Variants in MPHOSPH8 observed in about 807,000 individuals in gnomAD.
The protein encoded by MPHOSPH8 is M-phase phosphoprotein, mpp.
Under a neutral mutation model 87.3 loss-of-function variants are expected in MPHOSPH8, and 45 were observed. That is an observed-to-expected ratio of 0.52 (90% CI 0.41 to 0.66). The LOEUF is 0.66. MPHOSPH8 is among the 30% of genes least tolerant of loss of function. The pLI, the probability that MPHOSPH8 is intolerant of heterozygous loss-of-function variation, is 0.00. For missense variants in MPHOSPH8, 883 were observed against 1,020.2 expected (o/e 0.87, Z 1.83); for synonymous variants, 366 against 376.9 (o/e 0.97, Z 0.33).
intron 2 of MPHOSPH8, among the ~76,000 whole-genome samples, chr13:19,645,273 T>C (rs1251529786): frequency 6.6e-6 from 1 of 152,204 alleles, no homozygotes; most frequent in African/African-American, 2.4e-5. Flanking sequence ...ACCACTGTTT[T>C]AGTTTTGGTA....
In MPHOSPH8 at chr13:19,661,835, G is replaced by A. The variant is rs185492305; in HGVS notation, c.1929G>A (p.Glu643=). 286 of 1,606,924 alleles carry A rather than the reference G, an allele frequency of 1.8e-4. 1 individual carries two copies. Among genetic ancestry groups the A allele is most frequent in the Non-Finnish European group, 2.3e-4 (276 of 1,176,084 alleles). Residue 643 remains glutamate (E), a synonymous_variant, in exon 8 of 14, where the codon GAG becomes GAA. Transcript: ENST00000361479. ...NGTTALIHAA[E]KNFLTTVAIL... is the part of the protein sequence containing the mutation. ...CCACCGCCCTCATTCATGCTGCAGA[G>A]AAGGTTTGTGGCTTCTTATGCATCA...
At chr13:19,668,118 A>G (rs2137543013) in intron 10 of MPHOSPH8, among the ~76,000 whole-genome samples, 1 of 152,364 alleles carries the variant, frequency 6.6e-6, no homozygotes, top group East Asian at 1.9e-4. Context: ...TGTGCCAGGC[A>G]CTGTTCTAAA....
rs115555623 is a variant in MPHOSPH8, at chr13:19,663,468, C to T, written c.2019+342C>T. ...TCAAGTCAGCCGGGAGGGAGCACTC[C>T]GGCCGCAGCTGGAGCAGCAGGGAGG... On this transcript the variant is annotated intron_variant, in intron 9 of 13. Transcript: ENST00000361479. 2.4e-3 allele frequency among the ~76,000 whole-genome samples: 360 copies of T among 152,306 alleles called. 1 individual carries two copies. The highest frequency in any genetic ancestry group is 7.8e-3 in the African/African-American group (323 of 41,564).
chr13:19,646,977 C>G lies in MPHOSPH8; in HGVS notation c.904C>G (p.Gln302Glu). Residue 302 changes from glutamine to glutamate, a missense_variant, in exon 3 of 14, where the codon CAG becomes GAG. Transcript: ENST00000361479. ...NTKSARERAG[Q>E]DMGLEHGFEK... ...TAAAAGTGCAAGAGAGAGAGCAGGGCAGGACATGGGGCTGGAGCATGGCTT... is the reference window on the plus strand; with the variant it reads ...TAAAAGTGCAAGAGAGAGAGCAGGGGAGGACATGGGGCTGGAGCATGGCTT... The G allele has an allele frequency of 6.3e-7, 1 of 1,594,240 alleles. No individual in the cohort carries two copies.
chr13:19,650,212 G>C lies in MPHOSPH8; in HGVS notation c.1528G>C (p.Gly510Arg). The part of the protein sequence containing the change: ...TDTWAYIAAE[G>R]DQEVLDSVCQ... ...TACTTGGGCATACATTGCTGCAGAAGGTGATCAGGAGGTTTTAGACAGCGT... is the reference window on the plus strand; with the variant it reads ...TACTTGGGCATACATTGCTGCAGAACGTGATCAGGAGGTTTTAGACAGCGT... The change falls in exon 5 of 14, where the codon GGT becomes CGT. Residue 510 changes from glycine (G) to arginine (R), a missense_variant. Gly to Arg is a moderately radical substitution (Grantham distance 125). Coordinates refer to ENST00000361479, the MANE Select transcript of MPHOSPH8 (RefSeq NM_017520.4). 2 of 1,614,162 alleles carry C rather than the reference G, an allele frequency of 1.2e-6. No individual in the cohort carries two copies. Among genetic ancestry groups the C allele is most frequent in the Non-Finnish European group, 1.7e-6 (2 of 1,180,014 alleles).
At position 19,646,922 on chromosome 13, in the gene MPHOSPH8, T is replaced by A. The variant is rs1874594502; in HGVS notation, c.849T>A (p.His283Gln). The change falls in exon 3 of 14, where the codon CAT becomes CAA. Residue 283 changes from histidine to glutamine, a missense_variant. Physicochemically the swap from His to Gln is conservative, Grantham distance 24. Coordinates refer to ENST00000361479, the MANE Select transcript of MPHOSPH8 (RefSeq NM_017520.4). ...PFPEDDSEGL[H>Q]SDSREEKQNT... Reference sequence around the variant, plus strand: ...CAGAGGATGACAGTGAAGGGCTACATTCCGACAGCAGAGAAGAGAAACAAA... The same window carrying A: ...CAGAGGATGACAGTGAAGGGCTACAATCCGACAGCAGAGAAGAGAAACAAA... The A allele has an allele frequency of 1.3e-6, 2 of 1,599,898 alleles. No homozygotes were observed. The highest frequency in any genetic ancestry group is 1.4e-5 in the African/African-American group (1 of 73,728).
At chr13:19,647,863 T>G (rs1164145003) in intron 3 of MPHOSPH8, among the ~76,000 whole-genome samples, 1 of 152,138 alleles carries the variant, frequency 6.6e-6, no homozygotes, top group Non-Finnish European at 1.5e-5. Context: ...TTTGGGAATG[T>G]ATTTTAAGGA....
intron 1 of MPHOSPH8, among the ~76,000 whole-genome samples, chr13:19,635,089 A>G (rs17085121): frequency 0.1 from 15,604 of 152,262 alleles, 848 homozygotes; most frequent in Middle Eastern, 0.21. Context: ...GTTATTTGCA[A>G]TAAAGATGGA....
chr13:19,651,376 A>C (rs1247712964), intron 5 of MPHOSPH8, among the ~76,000 whole-genome samples: 1 of 151,880 alleles, frequency 6.6e-6, no homozygotes, highest in African/African-American at 2.4e-5. Context: ...AAATACAAAA[A>C]CTTAGCTGGG....
At position 19,647,158 on chromosome 13, in the gene MPHOSPH8, A is replaced by G; in HGVS notation, c.1085A>G (p.Lys362Arg). The G allele has an allele frequency of 6.2e-7, 1 of 1,614,196 alleles. No homozygotes were observed. Among genetic ancestry groups the G allele is most frequent in the East Asian group, 2.2e-5 (1 of 44,872 alleles). ...AFLEKKTVPK[K>R]QRNQDRSKSA... Reference sequence around the variant, plus strand: ...TTAGAGAAGAAAACTGTGCCTAAAAAGCAGAGGAATCAAGACAGAAGCAAA... The same window carrying G: ...TTAGAGAAGAAAACTGTGCCTAAAAGGCAGAGGAATCAAGACAGAAGCAAA... Residue 362 changes from lysine to arginine, a missense_variant, in exon 3 of 14, where the codon AAG becomes AGG. Physicochemically the swap from Lys to Arg is conservative, Grantham distance 26 (BLOSUM62 2). Around this residue, in one of 3 missense-constraint regions of MPHOSPH8, gnomAD observed 741 missense variants for 841.5 expected, o/e 0.88. Coordinates refer to ENST00000361479, the MANE Select transcript of MPHOSPH8 (RefSeq NM_017520.4).
chr13:19,672,635 CTTT>C lies in MPHOSPH8; in HGVS notation c.*763_*765del, dbSNP rs2137550711. 6.5e-6 allele frequency: 1 copy of C among 154,330 alleles called. No homozygotes were observed. Among genetic ancestry groups the C allele is most frequent in the African/African-American group, 2.4e-5 (1 of 41,536 alleles). 9.6% of individuals were successfully genotyped at this position (154,330 alleles called of 1,614,324 possible). On this transcript the variant is annotated 3_prime_UTR_variant, in exon 14 of 14. Transcript: ENST00000361479. ...CCTTGAAAGGGTTGGGAGGCCTGAT[CTTT>C]TTCTAGTAGACAGTTGCCACACATT... is the stretch of plus-strand genomic sequence containing the variant.
intron 1 of MPHOSPH8, among the ~76,000 whole-genome samples, chr13:19,639,142 T>C (rs963489000): frequency 1.2e-4 from 18 of 151,128 alleles, no homozygotes; most frequent in Non-Finnish European, 2.2e-4. Context: ...ATGGGAGACA[T>C]GTGGGAGTGG....
intron 1 of MPHOSPH8, 82 bp downstream of exon 1, chr13:19,634,043 C>A: frequency 7.1e-7 from 1 of 1,408,038 alleles, no homozygotes; most frequent in Non-Finnish European, 9.9e-7. Context: ...ACAGCACGGG[C>A]AGACCCAAAA....
intron 5 of MPHOSPH8, 63 bp downstream of exon 5, chr13:19,650,323 C>G: frequency 6.6e-7 from 1 of 1,519,526 alleles, no homozygotes; most frequent in Non-Finnish European, 8.9e-7. Context: ...TTACTGTACT[C>G]TTCTCTGTAT....
At chr13:19,644,770 G>A (rs928471564) in intron 2 of MPHOSPH8, among the ~76,000 whole-genome samples, 3 of 152,098 alleles carry the variant, frequency 2.0e-5, no homozygotes, top group Non-Finnish European at 4.4e-5. Context: ...TCTTTTCTCA[G>A]GTGTCTTACT....
chr13:19,654,654 A>T (rs1875050486), intron 5 of MPHOSPH8, among the ~76,000 whole-genome samples: 1 of 152,174 alleles, frequency 6.6e-6, no homozygotes. Context: ...GACAAAAACT[A>T]TATATAAGAA....
chr13:19,641,749 GC>G (rs992094384), intron 1 of MPHOSPH8, among the ~76,000 whole-genome samples: 3 of 152,056 alleles, frequency 2.0e-5, no homozygotes, highest in African/African-American at 7.2e-5. Context: ...GCTTGCCTCG[GC>G]CTCCCAAAAT....
chr13:19,666,218 C>G (rs1875804801), intron 9 of MPHOSPH8, among the ~76,000 whole-genome samples: 1 of 152,182 alleles, frequency 6.6e-6, no homozygotes, highest in African/African-American at 2.4e-5. Context: ...TATGTTGGCC[C>G]CTGAGTCAAA....
chr13:19,649,856 T>C, intron 4 of MPHOSPH8, 147 bp from the exon 5 acceptor site: 1 of 728,196 alleles, frequency 1.4e-6, no homozygotes. Flanking sequence ...GCTTTGACAG[T>C]AAATCAGACC....
Sources: gnomAD v4.1 joint callset for allele counts (sites outside exome capture counted in the v4.1 genomes callset) on GRCh38, gnomAD v4.1.1 for gene constraint, gnomAD v4.1.1 regional missense constraint, MANE v1.5 for transcripts, NCBI Gene and HGNC (gene_info 2026-07-23, HGNC 2026-07-21) for gene names.